The following WIPF1 variants were observed in gnomAD, a reference collection of about 807,000 sequenced individuals.
WIPF1 encodes WAS/WASL-interacting protein family member 1.
Under a neutral mutation model 35.4 loss-of-function variants are expected in WIPF1, and 13 were observed. The ratio of observed to expected loss-of-function variants is 0.37; its 90% CI spans 0.24 to 0.58. The LOEUF is 0.58. Among genes scored for constraint, WIPF1 ranks in the 20% least tolerant of loss-of-function variants. WIPF1 has a pLI of 0.74. For missense variants in WIPF1, 591 were observed against 667.0 expected, an observed-to-expected ratio of 0.89 and a Z score of 1.25; for synonymous variants, 267 against 266.3, an observed-to-expected ratio of 1.00 and a Z score of -0.02.
chr2:174,572,027 A>T lies in WIPF1; in HGVS notation c.778T>A (p.Leu260Met), dbSNP rs1684872337. 2 of 1,547,692 alleles carry T rather than the reference A, an allele frequency of 1.3e-6. No individual in the cohort carries two copies. Among genetic ancestry groups the T allele is most frequent in the South Asian group, 2.5e-5 (2 of 79,302 alleles). ...GGTGGTGGAGGGGGTTTGTCATCCAAGGCCCTGCTGGGGGTAGGCGGCAGG... is the reference window on the plus strand; with the variant it reads ...GGTGGTGGAGGGGGTTTGTCATCCATGGCCCTGCTGGGGGTAGGCGGCAGG... ...PPLPPTPSRA[L>M]DDKPPPPPPP... The change falls in exon 5 of 8, where the codon TTG becomes ATG. Residue 260 changes from leucine (L) to methionine (M), a missense_variant. Leu to Met is a conservative substitution (Grantham distance 15). Coordinates refer to ENST00000679041, the MANE Select transcript of WIPF1 (RefSeq NM_001375834.1).
At chr2:174,615,684 A>G (rs1025034660) in intron 1 of WIPF1, among the ~76,000 whole-genome samples, 3 of 152,244 alleles carry the variant, frequency 2.0e-5, no homozygotes, top group African/African-American at 7.2e-5. Flanking sequence ...TCTAAAACTT[A>G]TCAGGACCCA....
chr2:174,642,238 G>A (rs1489592442), intron 1 of WIPF1, among the ~76,000 whole-genome samples: 2 of 151,896 alleles, frequency 1.3e-5, no homozygotes, highest in Non-Finnish European at 2.9e-5. Flanking sequence ...CTCTCCTAGG[G>A]ACCCTGCATT....
At chr2:174,582,189 G>A (rs1685263437) in intron 2 of WIPF1, among the ~76,000 whole-genome samples, 1 of 152,124 alleles carries the variant, frequency 6.6e-6, no homozygotes, top group South Asian at 2.1e-4. Flanking sequence ...TGGAAATTGT[G>A]GAATGGACAA....
At chr2:174,659,908 C>T (rs1380504905) in intron 1 of WIPF1, among the ~76,000 whole-genome samples, 3 of 152,162 alleles carry the variant, frequency 2.0e-5, no homozygotes, top group Non-Finnish European at 2.9e-5. Flanking sequence ...AGCACATCCT[C>T]GTTTGCCCAG....
intron 3 of WIPF1, among the ~76,000 whole-genome samples, chr2:174,579,279 T>A (rs1183518980): frequency 6.6e-6 from 1 of 152,224 alleles, no homozygotes; most frequent in Non-Finnish European, 1.5e-5. Flanking sequence ...GTGCTGGGAT[T>A]ACAGGTGTGA....
intron 1 of WIPF1, among the ~76,000 whole-genome samples, chr2:174,593,564 A>T (rs1685696763): frequency 6.6e-6 from 1 of 152,212 alleles, no homozygotes; most frequent in Non-Finnish European, 1.5e-5. Flanking sequence ...CATGATGCAA[A>T]CTTAGCTGGA....
intron 1 of WIPF1, among the ~76,000 whole-genome samples, chr2:174,638,626 C>G (rs999056125): frequency 6.6e-6 from 1 of 151,872 alleles, no homozygotes; most frequent in Non-Finnish European, 1.5e-5. Context: ...TAAGATTCCG[C>G]ATATGGGTGA....
chr2:174,657,414 C>T (rs1687664357), intron 1 of WIPF1, among the ~76,000 whole-genome samples: 1 of 152,176 alleles, frequency 6.6e-6, no homozygotes, highest in Non-Finnish European at 1.5e-5. Context: ...GAAGTGAATT[C>T]AGGAACAAGC....
intron 1 of WIPF1, among the ~76,000 whole-genome samples, chr2:174,595,290 CAAAA>C (rs377491345): frequency 2.2e-5 from 1 of 45,290 alleles, no homozygotes; most frequent in Non-Finnish European, 4.5e-5. Context: ...AACCCTGTCT[CAAAA>C]AAAAAAAAAA....
At chr2:174,680,792 T>C (rs187408292) in intron 1 of WIPF1, among the ~76,000 whole-genome samples, 1 of 152,314 alleles carries the variant, frequency 6.6e-6, no homozygotes, top group Non-Finnish European at 1.5e-5. Context: ...GTCTTGGTGC[T>C]ACACACTGCA....
At chr2:174,638,557 C>T (rs1458355080) in intron 1 of WIPF1, among the ~76,000 whole-genome samples, 1 of 152,126 alleles carries the variant, frequency 6.6e-6, no homozygotes, top group Non-Finnish European at 1.5e-5. Flanking sequence ...CCTCCCTCCC[C>T]AATCTCTAGT....
At chr2:174,595,237 G>A (rs2105868374) in intron 1 of WIPF1, among the ~76,000 whole-genome samples, 1 of 138,670 alleles carries the variant, frequency 7.2e-6, no homozygotes, top group Non-Finnish European at 1.5e-5. Flanking sequence ...GGTGCAGTGA[G>A]CTGTGATCAT....
rs1201932996 is a variant in WIPF1, at chr2:174,561,083, G to C, written c.*1464C>G. On this transcript the variant is annotated 3_prime_UTR_variant, in exon 8 of 8. Transcript: ENST00000679041. ...TCTATAGCTAGATTTAAAAGTCCCA[G>C]TAAAATTTTGTAAACAAAATCATAT... The C allele has an allele frequency of 6.6e-6, 1 of 152,590 alleles. No individual in the cohort carries two copies. Among genetic ancestry groups the C allele is most frequent in the East Asian group, 1.9e-4 (1 of 5,200 alleles). 9.5% of individuals were successfully genotyped at this position (152,590 alleles called of 1,614,324 possible). A position where few individuals can be genotyped will look rare whatever the true frequency, so the allele number is the denominator to read the frequency against.
intron 1 of WIPF1, among the ~76,000 whole-genome samples, chr2:174,659,720 G>A (rs1559175109): frequency 6.6e-6 from 1 of 152,212 alleles, no homozygotes; most frequent in Non-Finnish European, 1.5e-5. Context: ...GTCGTTCATT[G>A]AGCACCTTTC....
At chr2:174,682,771 T>C (rs908338123) in intron 1 of WIPF1, 1 of 151,334 alleles carries the variant, frequency 6.6e-6, no homozygotes, top group Non-Finnish European at 1.5e-5. Context: ...ACGCGTCCCT[T>C]ACCGCGCAGC....
At chr2:174,579,902 G>C (rs950521722) in intron 3 of WIPF1, among the ~76,000 whole-genome samples, 1 of 152,088 alleles carries the variant, frequency 6.6e-6, no homozygotes. Context: ...CATTCGTTTT[G>C]TGGGCATTTT....
intron 1 of WIPF1, chr2:174,629,859 C>A (rs1469938058): frequency 1.3e-5 from 2 of 152,192 alleles, no homozygotes; most frequent in African/African-American, 4.8e-5. Flanking sequence ...CAAATCTATC[C>A]ATTGTTGGCC....
Position 174,611,309 on chromosome 2 carries a change from A to C in WIPF1, c.-38-25698T>G, listed in dbSNP as rs556690339. ...CCAGGCAAACTAGGATGCAAATGGA[A>C]AGGGCTCCAAAGTCCTTTGGGGGTT... On this transcript the variant is annotated intron_variant, in intron 1 of 8. Coordinates refer to the WIPF1 transcript ENST00000272746. Among the ~76,000 whole-genome samples, 3 of 152,322 alleles carry C rather than the reference A, an allele frequency of 2.0e-5. No homozygotes were observed. In the East Asian group the frequency reaches 5.8e-4, roughly 29 times the overall value.
At chr2:174,564,195 C>T (rs574059531) in intron 7 of WIPF1, among the ~76,000 whole-genome samples, 16 of 152,170 alleles carry the variant, frequency 1.1e-4, no homozygotes, top group African/African-American at 3.9e-4. Flanking sequence ...TGGTACTCGA[C>T]GGTGCCTTAT....
Sources: gnomAD v4.1 joint callset for allele counts (sites outside exome capture counted in the v4.1 genomes callset) on GRCh38, gnomAD v4.1.1 for gene constraint, MANE v1.5 for transcripts, NCBI Gene and HGNC (gene_info 2026-07-23, HGNC 2026-07-21) for gene names.